Variants in HNRNPA2B1 observed in about 807,000 individuals in gnomAD.
HNRNPA2B1 encodes the protein heterogeneous nuclear ribonucleoproteins A2/B1.
HNRNPA2B1 carries 3 observed loss-of-function variants against 46.3 expected under a neutral mutation model. The observed-to-expected ratio is 0.06, with a 90% CI of 0.03 to 0.17. HNRNPA2B1 has a LOEUF of 0.17. HNRNPA2B1 is among the 10% of genes least tolerant of loss of function. The pLI is 1.00. For missense variants in HNRNPA2B1, 221 were observed against 418.9 expected (o/e 0.53, Z 4.12); for synonymous variants, 225 against 133.8 (o/e 1.68, Z -4.70).
At position 26,197,254 on chromosome 7, in the gene HNRNPA2B1, C is replaced by G. The variant is rs901552977; in HGVS notation, c.264+61G>C. On this transcript the variant is annotated intron_variant, in intron 3 of 10. Coordinates refer to ENST00000618183, the MANE Select transcript of HNRNPA2B1 (RefSeq NM_002137.4). ...TTAAAACTAAATTCAGAAATAGTTT[C>G]TGATTTTCAGCAGGGCAGCGTTCTT... 4.0e-6 allele frequency: 6 copies of G among 1,513,512 alleles called. No homozygotes were observed. The African/African-American group carries it at 8.4e-5, about 21-fold the overall frequency. 93.8% of individuals were successfully genotyped at this position (1,513,512 alleles called of 1,614,324 possible). A position where few individuals can be genotyped will look rare whatever the true frequency, so the allele number is the denominator to read the frequency against.
intron 1 of HNRNPA2B1, chr7:26,198,131 C>A (rs1028578857): frequency 6.2e-6 from 2 of 324,826 alleles, no homozygotes; most frequent in Non-Finnish European, 5.5e-6. Context: ...AACCTAAAAA[C>A]GCAAATTTCT....
At chr7:26,193,747 G>C in intron 7 of HNRNPA2B1, 53 bp from the exon 8 acceptor site, 4 of 1,456,498 alleles carry the variant, frequency 2.7e-6, no homozygotes, top group Non-Finnish European at 3.8e-6. Context: ...ATACCATTTT[G>C]AACTGTCTCC....
chr7:26,192,715 G>T, intron 9 of HNRNPA2B1, 138 bp from the exon 10 acceptor site: 1 of 711,288 alleles, frequency 1.4e-6, no homozygotes. Context: ...CCAGTTAGCA[G>T]AATTACTCAG....
chr7:26,195,564 A>G (rs957844236), intron 7 of HNRNPA2B1: 2 of 351,782 alleles, frequency 5.7e-6, no homozygotes, highest in Non-Finnish European at 1.0e-5. Flanking sequence ...ACTTTTCCAG[A>G]GAAGCACGTA....
Position 26,200,585 on chromosome 7 carries a change from T to G in HNRNPA2B1, c.-8A>C, listed in dbSNP as rs1784323143. On this transcript the variant is annotated 5_prime_UTR_variant, in exon 1 of 11. Transcript: ENST00000618183. ...CAAACCCGTTACCTCCATCGCGGACTCAGTCGCTTCAGCCCGATTTCCCGC... is the reference window on the plus strand; with the variant it reads ...CAAACCCGTTACCTCCATCGCGGACGCAGTCGCTTCAGCCCGATTTCCCGC... The G allele has an allele frequency of 6.2e-7, 1 of 1,613,430 alleles. No homozygotes were observed. Among genetic ancestry groups the G allele is most frequent in the African/African-American group, 1.3e-5 (1 of 74,938 alleles).
chr7:26,197,508 T>TA (rs1408152443), intron 2 of HNRNPA2B1, 47 bp from the exon 3 acceptor site: 1 of 1,597,112 alleles, frequency 6.3e-7, no homozygotes, highest in Non-Finnish European at 8.6e-7. Context: ...CATTATAGCT[T>TA]ATAAGTGAAG....
chr7:26,194,403 G>A (rs553163262), intron 7 of HNRNPA2B1, among the ~76,000 whole-genome samples: 1 of 150,834 alleles, frequency 6.6e-6, no homozygotes, highest in African/African-American at 2.4e-5. Flanking sequence ...CTCAAAAAAC[G>A]AAACAATGTT....
At chr7:26,197,877 A>G in intron 1 of HNRNPA2B1, 145 bp from the exon 2 acceptor site, 1 of 1,581,262 alleles carries the variant, frequency 6.3e-7, no homozygotes, top group Middle Eastern at 2.3e-4. Context: ...CTGGGGGGAA[A>G]AAAAAAACTT....
chr7:26,198,181 A>T, intron 1 of HNRNPA2B1: 1 of 234,508 alleles, frequency 4.3e-6, no homozygotes, highest in Non-Finnish European at 8.1e-6. Flanking sequence ...TTCATTACTT[A>T]TGACCCAAAG....
intron 4 of HNRNPA2B1, 33 bp from the exon 5 acceptor site, chr7:26,196,691 A>G: frequency 1.9e-6 from 3 of 1,586,694 alleles, no homozygotes; most frequent in Non-Finnish European, 2.6e-6. Flanking sequence ...CTTTTAAATT[A>G]AATCAACAAT....
intron 7 of HNRNPA2B1, among the ~76,000 whole-genome samples, 154 bp from the exon 8 acceptor site, chr7:26,193,848 G>A (rs189453698): frequency 6.6e-6 from 1 of 152,092 alleles, no homozygotes; most frequent in African/African-American, 2.4e-5. Flanking sequence ...ACTATCCTTG[G>A]TAAACATTTG....
Position 26,195,863 on chromosome 7 carries a change from A to G in HNRNPA2B1, c.705T>C (p.Tyr235=), listed in dbSNP as rs778723548. 23 of 1,611,666 alleles carry G rather than the reference A, an allele frequency of 1.4e-5. No homozygotes were observed. The highest frequency in any genetic ancestry group is 1.8e-5 in the Non-Finnish European group (21 of 1,179,316). The change falls in exon 7 of 11, where the codon TAT becomes TAC. Residue 235 remains tyrosine (Y), a synonymous_variant. Transcript: ENST00000618183. ...AAAACTGACCTCCAGGTCCTCCTCCATACCCATTATAGCCATCCCCAAATC... is the reference window on the plus strand; with the variant it reads ...AAAACTGACCTCCAGGTCCTCCTCCGTACCCATTATAGCCATCCCCAAATC... ...GRGFGDGYNG[Y]GGGPGGGNFG... is the part of the protein sequence containing the mutation.
Position 26,197,035 on chromosome 7 carries a change from T to TA in HNRNPA2B1, c.265-19dup, listed in dbSNP as rs914794230. The TA allele has an allele frequency of 6.3e-7, 1 of 1,582,312 alleles. No individual in the cohort carries two copies. The highest frequency in any genetic ancestry group is 8.6e-7 in the Non-Finnish European group (1 of 1,156,994). ...CCAGATTCCTAAAATAGTGGTGGGG[T>TA]AAAAGTCATCCAAACAGAAAAAAAC... On this transcript the variant is annotated intron_variant, in intron 3 of 10. Coordinates refer to ENST00000618183, the MANE Select transcript of HNRNPA2B1 (RefSeq NM_002137.4).
chr7:26,196,182 T>C (rs1414637645), intron 6 of HNRNPA2B1, among the ~76,000 whole-genome samples: 1 of 152,194 alleles, frequency 6.6e-6, no homozygotes, highest in East Asian at 1.9e-4. Context: ...CGGATGACAC[T>C]TCATGTTACA....
chr7:26,198,628 A>T (rs2128126674), intron 1 of HNRNPA2B1: 1 of 152,408 alleles, frequency 6.6e-6, no homozygotes, highest in Admixed American at 6.5e-5. Flanking sequence ...GTCAATAGGA[A>T]AAACCTCAGA....
intron 1 of HNRNPA2B1, chr7:26,198,968 T>G (rs918178246): frequency 2.0e-5 from 3 of 152,162 alleles, no homozygotes; most frequent in African/African-American, 7.2e-5. Flanking sequence ...TCGTAAAAAT[T>G]AAAGAAAAAA....
chr7:26,190,135 A>G lies in HNRNPA2B1; in HGVS notation c.*2225T>C, dbSNP rs1354542652. On this transcript the variant is annotated 3_prime_UTR_variant, in exon 11 of 11. Transcript: ENST00000618183. Reference sequence around the variant, plus strand: ...ACATTACACCAAGTATTTGGATACAAAAAGTATTTATTTTATAAACTTTAT... The same window carrying G: ...ACATTACACCAAGTATTTGGATACAGAAAGTATTTATTTTATAAACTTTAT... 2 of 152,762 alleles carry G rather than the reference A, an allele frequency of 1.3e-5. No homozygotes were observed. Among genetic ancestry groups the G allele is most frequent in the African/African-American group, 2.4e-5 (1 of 41,586 alleles). The allele number at this position is 152,762 out of a possible 1,614,324, so 9.5% of individuals were successfully genotyped here.
chr7:26,193,523 C>A (rs1313543405), intron 8 of HNRNPA2B1, 52 bp downstream of exon 8: 2 of 1,562,208 alleles, frequency 1.3e-6, no homozygotes, highest in Non-Finnish European at 1.7e-6. Context: ...TCAAGTGTTA[C>A]AAAGACATTA....
At position 26,191,606 on chromosome 7, in the gene HNRNPA2B1, G is replaced by A. The variant is rs903629123; in HGVS notation, c.*754C>T. ...TGTGTCCCTGAAGAGTACCTCGCTG[G>A]GGTTATTTCCTTTCCTTGCATTGAA... On this transcript the variant is annotated 3_prime_UTR_variant, in exon 11 of 11. Transcript: ENST00000618183. 2.6e-5 allele frequency: 4 copies of A among 152,102 alleles called. No individual in the cohort carries two copies. Among genetic ancestry groups the A allele is most frequent in the Non-Finnish European group, 5.9e-5 (4 of 68,004 alleles). The allele number at this position is 152,102 out of a possible 1,614,324, so 9.4% of individuals were successfully genotyped here.
Sources: gnomAD v4.1 joint callset for allele counts (sites outside exome capture counted in the v4.1 genomes callset) on GRCh38, gnomAD v4.1.1 for gene constraint, MANE v1.5 for transcripts, NCBI Gene and HGNC (gene_info 2026-07-23, HGNC 2026-07-21) for gene names.